The following ACAP3 variants were observed in gnomAD, a reference collection of about 807,000 sequenced individuals.
ACAP3 encodes arf-GAP with coiled-coil, ANK repeat and PH domain-containing protein 3.
In ACAP3, 56 loss-of-function variants were observed where a neutral mutation model predicts 104.1. The observed-to-expected ratio is 0.54, with a 90% CI of 0.43 to 0.67. The LOEUF (loss-of-function observed/expected upper bound fraction) is 0.67, where lower values mean the gene tolerates loss of function less well. Ranked by LOEUF, ACAP3 falls within the 30% of genes least tolerant of loss-of-function variation. ACAP3 has a pLI of 0.00. For synonymous variants in ACAP3, 628 were observed against 496.2 expected, an observed-to-expected ratio of 1.27 and a Z score of -3.53; for missense variants, 1,208 against 1,174.9, an observed-to-expected ratio of 1.03 and a Z score of -0.41.
chr1:1,304,496 G>C, intron 1 of ACAP3: 1 of 399,236 alleles, frequency 2.5e-6, no homozygotes, highest in South Asian at 2.5e-5. Context: ...AGTCAACCCT[G>C]GACCCATCTG....
At chr1:1,305,884 C>G (rs1226182553) in intron 1 of ACAP3, 1 of 152,202 alleles carries the variant, frequency 6.6e-6, no homozygotes, top group Admixed American at 6.5e-5. Context: ...AGGGTGCGGG[C>G]AGGGTCCCCC....
At chr1:1,302,876 T>C in intron 4 of ACAP3, 46 bp downstream of exon 4, 3 of 1,509,254 alleles carry the variant, frequency 2.0e-6, no homozygotes, top group Non-Finnish European at 2.7e-6. Flanking sequence ...CGCAGCTCGG[T>C]TCCAGGCCAG....
rs12408158 is a variant in ACAP3, at chr1:1,303,112, G to T, written c.225+50C>A. On this transcript the variant is annotated intron_variant, in intron 3 of 23. Transcript: ENST00000354700. This position sits in a 1 kb window ranked among gnomAD's most constrained non-coding sequence, Gnocchi z 4.0. ...ACGCCCTCAAGGGGCTGCCTCCCTCGGCCTCTCCCCCAACCCCACCTTGAG... is the reference window on the plus strand; with the variant it reads ...ACGCCCTCAAGGGGCTGCCTCCCTCTGCCTCTCCCCCAACCCCACCTTGAG... 2 of 1,562,502 alleles carry T rather than the reference G, an allele frequency of 1.3e-6. No homozygotes were observed. The highest frequency in any genetic ancestry group is 1.7e-6 in the Non-Finnish European group (2 of 1,153,534).
Position 1,293,198 on chromosome 1 carries a change from T to G in ACAP3, c.*366A>C, listed in dbSNP as rs377651989. 1 of 164,490 alleles carries G rather than the reference T, an allele frequency of 6.1e-6. No individual in the cohort carries two copies. The highest frequency in any genetic ancestry group is 1.3e-5 in the Non-Finnish European group (1 of 77,000). The allele number at this position is 164,490 out of a possible 1,614,324, so 10.2% of individuals were successfully genotyped here. A position where few individuals can be genotyped will look rare whatever the true frequency, so the allele number is the denominator to read the frequency against. Reference sequence around the variant, plus strand: ...AACAGGTCAGTGTTCTGGGCAGAAGTGGGGCACGAAGTAACACAGGCCCTG... The same window carrying G: ...AACAGGTCAGTGTTCTGGGCAGAAGGGGGGCACGAAGTAACACAGGCCCTG... On this transcript the variant is annotated 3_prime_UTR_variant, in exon 24 of 24. Coordinates refer to ENST00000354700, the MANE Select transcript of ACAP3 (RefSeq NM_030649.3).
At chr1:1,298,900 A>C (rs1044024857) in intron 10 of ACAP3, 2 of 572,820 alleles carry the variant, frequency 3.5e-6, no homozygotes, top group Admixed American at 3.3e-5. Flanking sequence ...TCACGTTCAC[A>C]GCTGGGGGCC....
Position 1,302,976 on chromosome 1 carries a change from C to T in ACAP3, c.226-1G>A. The T allele has an allele frequency of 1.2e-6, 2 of 1,610,340 alleles. No individual in the cohort carries two copies. Among genetic ancestry groups the T allele is most frequent in the East Asian group, 2.2e-5 (1 of 44,794 alleles). The stretch of plus-strand genomic sequence containing the variant: ...TGTCAGCGAACCTCTGCAGACATTC[C>T]TGGAGGAGCAGATGGGAACCCGTGC... On this transcript the variant is annotated splice_acceptor_variant, in intron 3 of 23. Transcript: ENST00000354700. LOFTEE classifies it high-confidence loss of function.
At chr1:1,299,253 TG>T in intron 10 of ACAP3, 91 bp downstream of exon 10, 1 of 1,493,782 alleles carries the variant, frequency 6.7e-7, no homozygotes, top group Non-Finnish European at 9.1e-7. Flanking sequence ...GTGTCCTTGG[TG>T]CTGAAGTGCC....
intron 12 of ACAP3, 83 bp downstream of exon 12, chr1:1,298,287 G>A (rs1490473333): frequency 1.3e-5 from 21 of 1,596,312 alleles, no homozygotes; most frequent in Admixed American, 1.7e-5. Context: ...CCGGCCCTGT[G>A]CTAACCCCAA....
rs1279543311 is a variant in ACAP3, at chr1:1,296,592, G to C, written c.1170C>G (p.Asp390Glu). ...RTASPSTSSI[D>E]SATDTRERGV... ...CACGCTCCCGAGTGTCGGTGGCGGA[G>C]TCGATGCTGCTCGTGGACGGGGATG... is the stretch of plus-strand genomic sequence containing the variant. Residue 390 changes from aspartate (D) to glutamate (E), a missense_variant, in exon 15 of 24, where the codon GAC becomes GAG. Asp to Glu is a conservative substitution (Grantham distance 45). Transcript: ENST00000354700. 6.5e-7 allele frequency: 1 copy of C among 1,539,424 alleles called. No individual in the cohort carries two copies. The highest frequency in any genetic ancestry group is 8.7e-7 in the Non-Finnish European group (1 of 1,146,620).
intron 1 of ACAP3, chr1:1,307,483 C>T: frequency 7.9e-7 from 1 of 1,270,258 alleles, no homozygotes; most frequent in Non-Finnish European, 1.0e-6. Context: ...GGGCTCAGCC[C>T]AGTGGAGGTG....
In ACAP3 at chr1:1,295,947, G is replaced by A. The variant is rs913137668; in HGVS notation, c.1503-9C>T. The stretch of plus-strand genomic sequence containing the variant: ...AGGCCTCCTTGTCCTGCCTGGACCA[G>A]GGGGGAACATGAGGCTGTGCCCCCA... On this transcript the variant is annotated splice_polypyrimidine_tract_variant and intron_variant, in intron 17 of 23. Transcript: ENST00000354700. The A allele has an allele frequency of 6.2e-7, 1 of 1,612,206 alleles. No individual in the cohort carries two copies. The highest frequency in any genetic ancestry group is 1.3e-5 in the African/African-American group (1 of 74,920).
intron 14 of ACAP3, 44 bp from the exon 15 acceptor site, chr1:1,296,677 C>T (rs1324271401): frequency 6.6e-7 from 1 of 1,514,908 alleles, no homozygotes; most frequent in East Asian, 2.5e-5. Flanking sequence ...GGGGCTCCAG[C>T]ATGGTTTCCC....
In ACAP3 at chr1:1,295,929, C is replaced by T. The variant is rs1392229440; in HGVS notation, c.1512G>A (p.Lys504=). 1 of 1,612,402 alleles carries T rather than the reference C, an allele frequency of 6.2e-7. No individual in the cohort carries two copies. The highest frequency in any genetic ancestry group is 1.3e-5 in the African/African-American group (1 of 74,922). Residue 504 remains lysine, a synonymous_variant, in exon 18 of 24, where the codon AAG becomes AAA. Coordinates refer to ENST00000354700, the MANE Select transcript of ACAP3 (RefSeq NM_030649.3). ...KPTASSSRQD[K]EAWIKDKYVE... ...CGTATTTGTCCTTGATCCAGGCCTC[C>T]TTGTCCTGCCTGGACCAGGGGGGAA...
intron 12 of ACAP3, 45 bp from the exon 13 acceptor site, chr1:1,298,158 G>T (rs767971520): frequency 1.3e-4 from 198 of 1,571,000 alleles, no homozygotes; most frequent in Non-Finnish European, 1.7e-4. Context: ...CCACCACCCG[G>T]CCCCGACCAC....
chr1:1,300,745 T>C (rs1641407169), intron 5 of ACAP3, 53 bp from the exon 6 acceptor site: 1 of 1,546,512 alleles, frequency 6.5e-7, no homozygotes, highest in East Asian at 2.3e-5. Context: ...ACCTGCTGGA[T>C]CCTGGAGTCT....
chr1:1,295,836 C>T lies in ACAP3; in HGVS notation c.1605G>A (p.Val535=), dbSNP rs1188055748. ...AGCTGTGGGGCCGCAGGCACTTCTG[C>T]ACCCTCCAGCGTCTTGGGGCCTCCA... The part of the protein sequence containing the change: ...PALEAPRRWR[V]QKCLRPHSSP... Residue 535 remains valine, a synonymous_variant, in exon 18 of 24, where the codon GTG becomes GTA. Transcript: ENST00000354700. 1.2e-6 allele frequency: 2 copies of T among 1,611,280 alleles called. No homozygotes were observed. The highest frequency in any genetic ancestry group is 2.7e-5 in the African/African-American group (2 of 75,068).
In ACAP3 at chr1:1,293,588, G is replaced by T; in HGVS notation, c.2481C>A (p.Ile827=). 1 of 1,494,518 alleles carries T rather than the reference G, an allele frequency of 6.7e-7. No homozygotes were observed. The highest frequency in any genetic ancestry group is 2.8e-5 in the East Asian group (1 of 35,558). 92.6% of individuals were successfully genotyped at this position (1,494,518 alleles called of 1,614,324 possible). The change falls in exon 24 of 24, where the codon ATC becomes ATA. Residue 827 remains isoleucine, a synonymous_variant. Transcript: ENST00000354700. ...LQFRRCIQEF[I]SLHLEES is the part of the protein sequence containing the mutation. ...CCTAGCTCTCTTCCAGGTGGAGGCT[G>T]ATGAACTCCTGGATACACCTGCGGA...
In ACAP3 at chr1:1,302,938, A is replaced by C. The variant is rs1208103348; in HGVS notation, c.263T>G (p.Val88Gly). Residue 88 changes from valine (V) to glycine (G), a missense_variant, in exon 4 of 24, where the codon GTG becomes GGG. By Grantham distance (109) the Val-to-Gly change is moderately radical. Coordinates refer to ENST00000354700, the MANE Select transcript of ACAP3 (RefSeq NM_030649.3). ...CGCGCTCACCATGTGGTAGTTCACCACCTCCTGTAGGCTGTCAGCGAACCT... is the reference window on the plus strand; with the variant it reads ...CGCGCTCACCATGTGGTAGTTCACCCCCTCCTGTAGGCTGTCAGCGAACCT... ...LQRFADSLQE[V>G]VNYHMILFDQ... 6.2e-7 allele frequency: 1 copy of C among 1,610,436 alleles called. No homozygotes were observed. The highest frequency in any genetic ancestry group is 8.5e-7 in the Non-Finnish European group (1 of 1,179,208).
chr1:1,294,445 G>A lies in ACAP3; in HGVS notation c.2096C>T (p.Ala699Val). 6.3e-6 allele frequency: 10 copies of A among 1,575,128 alleles called. No individual in the cohort carries two copies. Among genetic ancestry groups the A allele is most frequent in the Non-Finnish European group, 8.6e-6 (10 of 1,166,714 alleles). ...CAGCGGCGTCTTGCCCTCATCCTCC[G>A]CGTCCGCCCAGTTGACCTCGGCCCC... ...AHGAEVNWADAEDEGKTPLVQ... is the reference protein window; with the variant it reads ...AHGAEVNWADVEDEGKTPLVQ... Residue 699 changes from alanine to valine, a missense_variant, in exon 21 of 24, where the codon GCG becomes GTG. Coordinates refer to ENST00000354700, the MANE Select transcript of ACAP3 (RefSeq NM_030649.3).
Sources: gnomAD v4.1 joint callset for allele counts on GRCh38, gnomAD v4.1.1 for gene constraint, Gnocchi (gnomAD v3.1) non-coding constraint, MANE v1.5 for transcripts, NCBI Gene and HGNC (gene_info 2026-07-23, HGNC 2026-07-21) for gene names.